The following C8orf34 variants were observed in gnomAD, a reference collection of about 807,000 sequenced individuals.
C8orf34 encodes the protein uncharacterized protein C8orf34.
Under a neutral mutation model 68.3 loss-of-function variants are expected in C8orf34, and 65 were observed. That is an observed-to-expected ratio of 0.95 (90% CI 0.78 to 1.17). The LOEUF is 1.17. Ranked by LOEUF, C8orf34 falls within the 50% of genes most tolerant of loss-of-function variation. The pLI is 0.00. For synonymous variants in C8orf34, 244 were observed against 241.2 expected, an observed-to-expected ratio of 1.01 and a Z score of -0.11; for missense variants, 664 against 655.4, an observed-to-expected ratio of 1.01 and a Z score of -0.14.
rs548192289 is a variant in C8orf34 at position 68,405,922 on chromosome 8, G to A, written c.328-33577G>A. 4.6e-5 allele frequency among the ~76,000 whole-genome samples: 7 copies of A among 152,178 alleles called. No individual in the cohort carries two copies. In the South Asian group the frequency reaches 1.2e-3, roughly 27 times the overall value. On this transcript the variant is annotated intron_variant, in intron 1 of 13. Coordinates refer to ENST00000518698, the MANE Select transcript of C8orf34 (RefSeq NM_052958.4). ...TTCTGGTGTTTTAGGCCATGAAAAA[G>A]TATCACAAAGCATACAAAAAGAGTT...
chr8:68,705,296 G>A (rs1384959858), intron 8 of C8orf34, among the ~76,000 whole-genome samples: 2 of 152,124 alleles, frequency 1.3e-5, no homozygotes, highest in African/African-American at 4.8e-5. Context: ...GATTCAGGGG[G>A]ATGATTAGAA....
chr8:68,647,364 A>G (rs968207457), intron 8 of C8orf34, among the ~76,000 whole-genome samples: 1 of 152,230 alleles, frequency 6.6e-6, no homozygotes, highest in African/African-American at 2.4e-5. Flanking sequence ...AAAATAATAT[A>G]GCCATTATTG....
intron 7 of C8orf34, chr8:68,535,886 G>T: frequency 1.0e-6 from 1 of 978,980 alleles, no homozygotes; most frequent in Non-Finnish European, 1.2e-6. Flanking sequence ...AATTATAGAA[G>T]ATACTGAGTA....
At chr8:68,773,380 G>C (rs374194256) in intron 10 of C8orf34, among the ~76,000 whole-genome samples, 1 of 152,028 alleles carries the variant, frequency 6.6e-6, no homozygotes, top group Admixed American at 6.5e-5. Context: ...TTTCCTCCAA[G>C]AATCTTTTTA....
At chr8:68,364,897 GAGA>G (rs1250548677) in intron 1 of C8orf34, among the ~76,000 whole-genome samples, 1 of 152,076 alleles carries the variant, frequency 6.6e-6, no homozygotes, top group Non-Finnish European at 1.5e-5. Flanking sequence ...ACTAAAATCA[GAGA>G]AGAACTGAAG....
intron 5 of C8orf34, among the ~76,000 whole-genome samples, chr8:68,507,713 C>T (rs1173498720): frequency 6.6e-6 from 1 of 152,164 alleles, no homozygotes; most frequent in African/African-American, 2.4e-5. Flanking sequence ...AAACTGGGGG[C>T]CCAGAGGGCT....
chr8:68,517,340 TAC>T (rs1215536981), intron 5 of C8orf34, among the ~76,000 whole-genome samples: 1 of 152,190 alleles, frequency 6.6e-6, no homozygotes, highest in Non-Finnish European at 1.5e-5. Context: ...CAGAAATATA[TAC>T]ATTTTTAAAA....
intron 10 of C8orf34, among the ~76,000 whole-genome samples, chr8:68,769,948 A>C (rs1823292045): frequency 6.6e-6 from 1 of 152,130 alleles, no homozygotes; most frequent in South Asian, 2.1e-4. Context: ...GAGTGAGGGG[A>C]GCCGGGGATG....
chr8:68,714,926 C>A (rs558189347), intron 9 of C8orf34, among the ~76,000 whole-genome samples: 2 of 152,192 alleles, frequency 1.3e-5, no homozygotes, highest in Admixed American at 6.5e-5. Context: ...TAAAAATAGG[C>A]ACGTAAACCA....
At chr8:68,369,601 G>C (rs1162037368) in intron 1 of C8orf34, among the ~76,000 whole-genome samples, 1 of 152,166 alleles carries the variant, frequency 6.6e-6, no homozygotes, top group Non-Finnish European at 1.5e-5. Flanking sequence ...ATTCTGGATT[G>C]CCTCTCTGCA....
intron 8 of C8orf34, among the ~76,000 whole-genome samples, chr8:68,704,683 T>C (rs573805624): frequency 2.0e-5 from 3 of 152,278 alleles, no homozygotes; most frequent in Admixed American, 2.0e-4. Flanking sequence ...CCACTGTGAA[T>C]TATTGTGATT....
At chr8:68,367,899 TAA>T (rs1377295258) in intron 1 of C8orf34, among the ~76,000 whole-genome samples, 3 of 8,248 alleles carry the variant, frequency 3.6e-4, no homozygotes, top group African/African-American at 1.3e-3. Context: ...TAAAGTATAA[TAA>T]AAAAAGAAAA....
intron 1 of C8orf34, among the ~76,000 whole-genome samples, chr8:68,426,518 C>CAAAAA (rs753578060): frequency 2.0e-4 from 6 of 29,620 alleles, no homozygotes; most frequent in African/African-American, 3.1e-4. Flanking sequence ...GACCTTGTCT[C>CAAAAA]AAAAAAAAAA....
rs368834374 is a variant in C8orf34, at chr8:68,358,979, G to C, written c.327+27640G>C. 2.8e-4 allele frequency among the ~76,000 whole-genome samples: 43 copies of C among 152,128 alleles called. No homozygotes were observed. In the East Asian group the frequency reaches 6.4e-3, roughly 23 times the overall value. On this transcript the variant is annotated intron_variant, in intron 1 of 13. Transcript: ENST00000518698. ...CTCCCAAAGTGCTGGGATTATAGGC[G>C]TGCACTCCCACAACTGGCCTATATA...
intron 7 of C8orf34, chr8:68,533,652 C>T (rs1469229311): frequency 1.0e-6 from 1 of 980,976 alleles, no homozygotes; most frequent in East Asian, 1.1e-4. Context: ...GCAGAGATTT[C>T]AAAGTTTCTT....
At chr8:68,630,226 A>C (rs988188985) in intron 7 of C8orf34, among the ~76,000 whole-genome samples, 1 of 152,142 alleles carries the variant, frequency 6.6e-6, no homozygotes, top group African/African-American at 2.4e-5. Flanking sequence ...CTCACATTAA[A>C]AAAGGAAAAA....
At chr8:68,384,926 A>G (rs1326477834) in intron 1 of C8orf34, among the ~76,000 whole-genome samples, 3 of 152,194 alleles carry the variant, frequency 2.0e-5, no homozygotes, top group African/African-American at 7.2e-5. Context: ...TTTTCTATCA[A>G]AGAGGATTAA....
intron 7 of C8orf34, among the ~76,000 whole-genome samples, chr8:68,589,981 CA>C (rs1349381547): frequency 7.1e-6 from 1 of 140,634 alleles, no homozygotes. Flanking sequence ...GGACATTTAG[CA>C]GCATCCATGG....
intron 7 of C8orf34, chr8:68,534,831 A>T (rs568985213): frequency 1.0e-6 from 1 of 985,356 alleles, no homozygotes; most frequent in East Asian, 1.1e-4. Flanking sequence ...GCCCTGACTG[A>T]AGGTTCTAGT....
Sources: gnomAD v4.1 joint callset for allele counts (sites outside exome capture counted in the v4.1 genomes callset) on GRCh38, gnomAD v4.1.1 for gene constraint, MANE v1.5 for transcripts, NCBI Gene and HGNC (gene_info 2026-07-23, HGNC 2026-07-21) for gene names.